Variants in PNLDC1 observed in about 807,000 individuals in gnomAD.
The protein encoded by PNLDC1 is poly(A)-specific ribonuclease PNLDC1.
Under a neutral mutation model 82.0 loss-of-function variants are expected in PNLDC1, and 70 were observed. The ratio of observed to expected loss-of-function variants is 0.85; its 90% CI spans 0.70 to 1.04. PNLDC1 has a LOEUF of 1.04. Ranked by LOEUF, PNLDC1 falls within the 50% of genes least tolerant of loss-of-function variation. PNLDC1 has a pLI of 0.00. For synonymous variants in PNLDC1, 280 were observed against 249.3 expected (o/e 1.12, Z -1.16); for missense variants, 631 against 661.1 (o/e 0.95, Z 0.50).
chr6:159,811,988 C>G (rs896055996), intron 11 of PNLDC1, among the ~76,000 whole-genome samples: 1 of 152,032 alleles, frequency 6.6e-6, no homozygotes, highest in Non-Finnish European at 1.5e-5. Flanking sequence ...CAACCTTTGA[C>G]TCCCTTGTTC....
intron 11 of PNLDC1, among the ~76,000 whole-genome samples, chr6:159,813,172 CTGT>C (rs1217448006): frequency 6.6e-6 from 1 of 152,188 alleles, no homozygotes; most frequent in Non-Finnish European, 1.5e-5. Flanking sequence ...TGCCCAGAGG[CTGT>C]TATTATTTGT....
Position 159,819,259 on chromosome 6 carries a change from G to T in PNLDC1, c.1439G>T (p.Arg480Leu). Reference protein sequence around the residue: ...LLLTNKFKDARNILKEYRDHP... With the variant: ...LLLTNKFKDALNILKEYRDHP... The stretch of plus-strand genomic sequence containing the variant: ...CAGCAAACTTGTTTTGGCAGTGCGC[G>T]GAACATCCTGAAGGAGTACCGGGAC... The change falls in exon 18 of 19, where the codon CGG (arginine) becomes CTG (leucine). Residue 480 changes from arginine (R) to leucine (L), a missense_variant. Physicochemically the swap from Arg to Leu is moderately radical, Grantham distance 102. Coordinates refer to ENST00000392167, the MANE Select transcript of PNLDC1 (RefSeq NM_001271862.2). The surrounding 1 kb of genome is among the most constrained non-coding windows in gnomAD (Gnocchi z 4.6). 6.2e-7 allele frequency: 1 copy of T among 1,613,772 alleles called. No individual in the cohort carries two copies.
In PNLDC1 at chr6:159,819,142, G is replaced by GT. The variant is rs1562508238; in HGVS notation, c.1433+22dup. ...AAGGAGTAGGTGCCTCTAAGTCCGC[G>GT]TCCCCCACCCCTCGTGCGTTCATCC... On this transcript the variant is annotated intron_variant, in intron 17 of 18. Coordinates refer to ENST00000392167, the MANE Select transcript of PNLDC1 (RefSeq NM_001271862.2). The surrounding 1 kb of genome is among the most constrained non-coding windows in gnomAD (Gnocchi z 4.6). The GT allele has an allele frequency of 4.3e-6, 7 of 1,612,420 alleles. No individual in the cohort carries two copies. The highest frequency in any genetic ancestry group is 4.2e-6 in the Non-Finnish European group (5 of 1,178,940).
chr6:159,812,318 C>T (rs1208526706), intron 11 of PNLDC1, among the ~76,000 whole-genome samples: 1 of 152,170 alleles, frequency 6.6e-6, no homozygotes, highest in African/African-American at 2.4e-5. Context: ...ATGACTTATT[C>T]CCTTTCTCTC....
Position 159,803,990 on chromosome 6 carries a change from T to C in PNLDC1, c.274T>C (p.Tyr92His). The change falls in exon 5 of 19, where the codon TAT (tyrosine) becomes CAT (histidine). Residue 92 changes from tyrosine (Y) to histidine (H), a missense_variant. Tyr to His is a moderately conservative substitution (Grantham distance 83, BLOSUM62 2). Coordinates refer to ENST00000392167, the MANE Select transcript of PNLDC1 (RefSeq NM_001271862.2). The part of the protein sequence containing the change: ...NKYIAHSCNF[Y>H]LFPTTFGILD... ...GTATATAGCCCATTCTTGTAACTTC[T>C]ATCTCTTCCCTACAACGTTTGGGAT... 6.2e-7 allele frequency: 1 copy of C among 1,613,594 alleles called. No individual in the cohort carries two copies.
chr6:159,819,516 G>A lies in PNLDC1; in HGVS notation c.1532+164G>A, dbSNP rs956837230. Among the ~76,000 whole-genome samples, 5 of 152,316 alleles carry A rather than the reference G, an allele frequency of 3.3e-5. No homozygotes were observed. The highest frequency in any genetic ancestry group is 9.6e-5 in the African/African-American group (4 of 41,568). On this transcript the variant is annotated intron_variant, in intron 18 of 18. Transcript: ENST00000392167. This position sits in a 1 kb window ranked among gnomAD's most constrained non-coding sequence, Gnocchi z 4.6. ...GCCCTGAATGTCCTTCAGTGATGCC[G>A]CGTGTCTGTCGAGCACCTGCTGTGC...
chr6:159,800,074 C>T (rs1490208779), upstream of PNLDC1, among the ~76,000 whole-genome samples: 1 of 152,214 alleles, frequency 6.6e-6, no homozygotes, highest in Non-Finnish European at 1.5e-5. Flanking sequence ...GCCAGGTAAA[C>T]AGGCTTTGAT....
chr6:159,808,722 T>C lies in PNLDC1; in HGVS notation c.563-18T>C, dbSNP rs748840872. On this transcript the variant is annotated intron_variant, in intron 7 of 18. Transcript: ENST00000392167. ...CACGGTTCCAGGTGCTGTGTGCCCC[T>C]GTGTTTCCCTGCTGCAGGCTTCCAG... 6.2e-7 allele frequency: 1 copy of C among 1,610,632 alleles called. No individual in the cohort carries two copies. The highest frequency in any genetic ancestry group is 8.5e-7 in the Non-Finnish European group (1 of 1,178,200).
intron 16 of PNLDC1, 28 bp downstream of exon 16, chr6:159,818,682 C>A: frequency 6.3e-7 from 1 of 1,589,554 alleles, no homozygotes; most frequent in South Asian, 1.1e-5. Context: ...GGCCCCCTCG[C>A]CCCATTCAGA....
In PNLDC1 at chr6:159,808,672, G is replaced by A. The variant is rs75021331; in HGVS notation, c.563-68G>A. ...TCCATCTCAGCTTCTGCTCCTCCAG[G>A]GCTTCTCTTGTGGGGAACATGCCAC... On this transcript the variant is annotated intron_variant, in intron 7 of 18. Coordinates refer to ENST00000392167, the MANE Select transcript of PNLDC1 (RefSeq NM_001271862.2). The A allele has an allele frequency of 8.5e-4, 1,207 of 1,426,668 alleles. 9 individuals carry two copies. The East Asian group carries it at 0.023, about 28-fold the overall frequency. The allele number at this position is 1,426,668 out of a possible 1,614,324, so 88.4% of individuals were successfully genotyped here.
Position 159,810,084 on chromosome 6 carries a change from G to C in PNLDC1, c.842G>C (p.Arg281Thr), listed in dbSNP as rs1250290075. Reference sequence around the variant, plus strand: ...CTGCACCTCCATGAGAAGTTCTTCAGACCCCTCCCAGGTAGGGGCAAACCT... The same window carrying C: ...CTGCACCTCCATGAGAAGTTCTTCACACCCCTCCCAGGTAGGGGCAAACCT... ...DLLHLHEKFF[R>T]PLPESYDQFK... Residue 281 changes from arginine to threonine, a missense_variant, in exon 10 of 19, where the codon AGA becomes ACA. Physicochemically the swap from Arg to Thr is moderately conservative, Grantham distance 71. Transcript: ENST00000392167. 1 of 1,613,920 alleles carries C rather than the reference G, an allele frequency of 6.2e-7. No homozygotes were observed. Among genetic ancestry groups the C allele is most frequent in the Non-Finnish European group, 8.5e-7 (1 of 1,179,818 alleles).
intron 3 of PNLDC1, among the ~76,000 whole-genome samples, chr6:159,802,123 G>A (rs143441086): frequency 3.9e-5 from 6 of 152,264 alleles, no homozygotes; most frequent in Admixed American, 1.3e-4. Context: ...AGCTGTTAAC[G>A]GTTGCGTAAT....
At chr6:159,809,451 A>AT (rs71904720) in intron 9 of PNLDC1, among the ~76,000 whole-genome samples, 10,490 of 138,328 alleles carry the variant, frequency 0.076, 636 homozygotes, top group African/African-American at 0.16. Context: ...TACCTGGCTA[A>AT]TTTTTTTTTT....
chr6:159,805,713 C>A (rs1583169064), intron 6 of PNLDC1: 1 of 410,834 alleles, frequency 2.4e-6, no homozygotes, highest in Non-Finnish European at 4.6e-6. Flanking sequence ...TGGCTAGATA[C>A]CAATAGCTTT....
upstream of PNLDC1, chr6:159,800,230 G>T: frequency 7.1e-7 from 1 of 1,407,096 alleles, no homozygotes; most frequent in African/African-American, 1.4e-5. Flanking sequence ...TTTAAGACCC[G>T]GCGGCGCGAC....
At chr6:159,804,470 C>A in intron 5 of PNLDC1, 79 bp from the exon 6 acceptor site, 2 of 964,622 alleles carry the variant, frequency 2.1e-6, no homozygotes, top group Admixed American at 2.0e-5. Flanking sequence ...CCCTTTCTAC[C>A]TGTCCTCGTG....
In PNLDC1 at chr6:159,800,782, A is replaced by G; in HGVS notation, c.87A>G (p.Ile29Met). Reference protein sequence around the residue: ...VQEADFVGLDIEFTGLRSNLS... With the variant: ...VQEADFVGLDMEFTGLRSNLS... The stretch of plus-strand genomic sequence containing the variant: ...TTGCCTTCCTGGCAGGTCTGGACAT[A>G]GAGTTCACGGGCCTTCGTTCTAACC... The change falls in exon 2 of 19, where the codon ATA (isoleucine) becomes ATG (methionine). Residue 29 changes from isoleucine to methionine, a missense_variant. Transcript: ENST00000392167. 1.2e-6 allele frequency: 2 copies of G among 1,614,168 alleles called. No homozygotes were observed. Among genetic ancestry groups the G allele is most frequent in the Non-Finnish European group, 1.7e-6 (2 of 1,180,032 alleles).
At position 159,809,183 on chromosome 6, in the gene PNLDC1, G is replaced by A. The variant is rs373483083; in HGVS notation, c.783+25G>A. 30 of 1,609,284 alleles carry A rather than the reference G, an allele frequency of 1.9e-5. No homozygotes were observed. In the African/African-American group the frequency reaches 3.6e-4, roughly 19 times the overall value. On this transcript the variant is annotated intron_variant, in intron 9 of 18. Transcript: ENST00000392167. Reference sequence around the variant, plus strand: ...GGTAGGAAAACATGTCTCTTTTCTTGGCCTAAAGGCAGTCTTTAGTATTTC... The same window carrying A: ...GGTAGGAAAACATGTCTCTTTTCTTAGCCTAAAGGCAGTCTTTAGTATTTC...
chr6:159,801,017 A>T, intron 2 of PNLDC1, 96 bp from the exon 3 acceptor site: 4 of 1,498,032 alleles, frequency 2.7e-6, no homozygotes, highest in Admixed American at 1.7e-5. Flanking sequence ...CAAGGAAAAA[A>T]TCCTCCCCGG....
Sources: gnomAD v4.1 joint callset for allele counts (sites outside exome capture counted in the v4.1 genomes callset) on GRCh38, gnomAD v4.1.1 for gene constraint, Gnocchi (gnomAD v3.1) non-coding constraint, MANE v1.5 for transcripts, NCBI Gene and HGNC (gene_info 2026-07-23, HGNC 2026-07-21) for gene names.